The following NFATC2 variants were observed in gnomAD, a reference collection of about 807,000 sequenced individuals.
The protein encoded by NFATC2 is nuclear factor of activated T-cells, cytoplasmic 2.
NFATC2 carries 22 observed loss-of-function variants against 87.3 expected under a neutral mutation model. The ratio of observed to expected loss-of-function variants is 0.25; its 90% CI spans 0.18 to 0.36. The LOEUF is 0.36. NFATC2 is among the 10% of genes least tolerant of loss of function. NFATC2 has a pLI of 1.00. For synonymous variants in NFATC2, 565 were observed against 542.2 expected, an observed-to-expected ratio of 1.04 and a Z score of -0.58; for missense variants, 1,149 against 1,259.1, an observed-to-expected ratio of 0.91 and a Z score of 1.32.
At chr20:51,459,339 C>A (rs942831295) in intron 5 of NFATC2, among the ~76,000 whole-genome samples, 1 of 152,146 alleles carries the variant, frequency 6.6e-6, no homozygotes, top group Non-Finnish European at 1.5e-5. Flanking sequence ...TTATATCAAT[C>A]GGCCAGAACA....
Position 51,562,563 on chromosome 20 carries a change from G to C in NFATC2, c.67C>G (p.Gln23Glu). Residue 23 changes from glutamine (Q) to glutamate (E), a missense_variant, in exon 1 of 11, where the codon CAA (glutamine) becomes GAA (glutamate). Coordinates refer to the NFATC2 transcript ENST00000414705. The surrounding 1 kb of genome is among the most constrained non-coding windows in gnomAD (Gnocchi z 5.8). ...GAAGGGATCGAGAGTCAGTTACCTT[G>C]GTCCACAGACCCCATGATGCGGAGG... The C allele has an allele frequency of 2.6e-6, 4 of 1,550,620 alleles. No homozygotes were observed. The highest frequency in any genetic ancestry group is 2.6e-6 in the Non-Finnish European group (3 of 1,146,210).
chr20:51,412,964 C>T (rs1979472033), intron 9 of NFATC2, among the ~76,000 whole-genome samples: 1 of 70,726 alleles, frequency 1.4e-5, no homozygotes, highest in South Asian at 6.3e-4. Flanking sequence ...CCCGCCCCAC[C>T]GACCCCGGCC....
At chr20:51,554,132 AC>A (rs1308422470) in intron 1 of NFATC2, among the ~76,000 whole-genome samples, 2 of 151,742 alleles carry the variant, frequency 1.3e-5, no homozygotes, top group African/African-American at 4.8e-5. Context: ...TGGAGCACAC[AC>A]CCCCACCGCC....
intron 2 of NFATC2, among the ~76,000 whole-genome samples, 171 bp downstream of exon 2, chr20:51,522,910 C>T (rs911547071): frequency 2.2e-4 from 34 of 152,178 alleles, no homozygotes; most frequent in African/African-American, 7.7e-4. Context: ...AAAAACCTGG[C>T]CCGGGAATTT....
intron 1 of NFATC2, among the ~76,000 whole-genome samples, chr20:51,530,903 G>C (rs1033319325): frequency 3.9e-5 from 6 of 152,192 alleles, no homozygotes; most frequent in African/African-American, 1.4e-4. Flanking sequence ...TCACTCGTCT[G>C]TCTACCCTCT....
chr20:51,474,096 C>T lies in NFATC2; in HGVS notation c.1592G>A (p.Gly531Asp). ...LRNADIELRK[G>D]ETDIGRKNTR... ...GTTCTTTCTTCCAATGTCCGTCTCGCCTTTCCGCAGCTCAATGTCGGCGTT... is the reference window on the plus strand; with the variant it reads ...GTTCTTTCTTCCAATGTCCGTCTCGTCTTTCCGCAGCTCAATGTCGGCGTT... The change falls in exon 5 of 11, where the codon GGC becomes GAC. Residue 531 changes from glycine to aspartate, a missense_variant. By Grantham distance (94) the Gly-to-Asp change is moderately conservative. Coordinates refer to ENST00000371564, the MANE Select transcript of NFATC2 (RefSeq NM_012340.5). 3 of 1,614,226 alleles carry T rather than the reference C, an allele frequency of 1.9e-6. No individual in the cohort carries two copies. The highest frequency in any genetic ancestry group is 2.2e-5 in the East Asian group (1 of 44,886).
At chr20:51,398,402 G>GGA (rs1987540958) in intron 10 of NFATC2, among the ~76,000 whole-genome samples, 1 of 152,180 alleles carries the variant, frequency 6.6e-6, no homozygotes, top group Non-Finnish European at 1.5e-5. Flanking sequence ...CTGGAATCGG[G>GGA]GAGCATGCAA....
At chr20:51,522,961 C>T in intron 2 of NFATC2, 120 bp downstream of exon 2, 1 of 1,396,222 alleles carries the variant, frequency 7.2e-7, no homozygotes, top group Non-Finnish European at 9.7e-7. Flanking sequence ...AGGGGCCAAG[C>T]CAAGATTTAA....
chr20:51,459,362 G>A (rs1390337299), intron 5 of NFATC2, among the ~76,000 whole-genome samples: 1 of 152,208 alleles, frequency 6.6e-6, no homozygotes, highest in Non-Finnish European at 1.5e-5. Context: ...CAAACGCAGA[G>A]AGACGGAGAG....
intron 3 of NFATC2, among the ~76,000 whole-genome samples, chr20:51,492,284 C>T (rs1600861547): frequency 6.6e-6 from 1 of 151,904 alleles, no homozygotes; most frequent in Non-Finnish European, 1.5e-5. Flanking sequence ...CCCCGCCGCA[C>T]CCCGCCGCTA....
chr20:51,529,705 C>T (rs2076602664), intron 1 of NFATC2, among the ~76,000 whole-genome samples: 1 of 151,706 alleles, frequency 6.6e-6, no homozygotes, highest in African/African-American at 2.4e-5. Context: ...CCATGTGCCA[C>T]CAAAAAGTAT....
At position 51,523,132 on chromosome 20, in the gene NFATC2, A is replaced by G. The variant is rs2076476652; in HGVS notation, c.1109T>C (p.Leu370Pro). 6.2e-7 allele frequency: 1 copy of G among 1,614,144 alleles called. No homozygotes were observed. Among genetic ancestry groups the G allele is most frequent in the Non-Finnish European group, 8.5e-7 (1 of 1,180,058 alleles). ...RRNSAPESILLVPPTWPKPLV... is the reference protein window; with the variant it reads ...RRNSAPESILPVPPTWPKPLV... The stretch of plus-strand genomic sequence containing the variant: ...CGGCTTGGGCCAAGTGGGCGGAACC[A>G]GCAGGATGGATTCTGGAGCCGAGTT... Residue 370 changes from leucine (L) to proline (P), a missense_variant, in exon 2 of 11, where the codon CTG becomes CCG. Physicochemically the swap from Leu to Pro is moderately conservative, Grantham distance 98. Coordinates refer to ENST00000371564, the MANE Select transcript of NFATC2 (RefSeq NM_012340.5). The surrounding 1 kb of genome is among the most constrained non-coding windows in gnomAD (Gnocchi z 6.9).
intron 6 of NFATC2, among the ~76,000 whole-genome samples, chr20:51,451,549 TA>T (rs1408213460): frequency 3.3e-5 from 5 of 152,188 alleles, no homozygotes; most frequent in Admixed American, 3.3e-4. Context: ...ATGCTGAGGC[TA>T]AAAATGTGGT....
intron 3 of NFATC2, among the ~76,000 whole-genome samples, chr20:51,483,196 G>A (rs73128874): frequency 0.083 from 12,551 of 151,758 alleles, 618 homozygotes; most frequent in Middle Eastern, 0.18. Flanking sequence ...CAAGTGGCAC[G>A]TCTCTGAAAA....
intron 5 of NFATC2, 94 bp downstream of exon 5, chr20:51,473,885 AC>A (rs1988464832): frequency 7.2e-7 from 1 of 1,379,488 alleles, no homozygotes; most frequent in Admixed American, 2.2e-5. Context: ...CCCGCAGGCC[AC>A]CCCGGGTACC....
At chr20:51,562,656 G>A, upstream of NFATC2, 1 of 1,546,730 alleles carries the variant, frequency 6.5e-7, no homozygotes, top group Admixed American at 2.0e-5. This position sits in a 1 kb window ranked among gnomAD's most constrained non-coding sequence, Gnocchi z 5.8. Context: ...CTTGGCGCGT[G>A]TTTGGAAAGG....
intron 5 of NFATC2, among the ~76,000 whole-genome samples, chr20:51,467,816 A>ATTTATATATTCT (rs1343270817): frequency 6.6e-6 from 1 of 152,214 alleles, no homozygotes; most frequent in East Asian, 1.9e-4. Context: ...TTCCTAGGTC[A>ATTTATATATTCT]TTTACCCAAG....
chr20:51,433,718 T>C (rs1015423501), intron 8 of NFATC2, among the ~76,000 whole-genome samples: 2 of 151,982 alleles, frequency 1.3e-5, no homozygotes. Flanking sequence ...ACCAAGTGTG[T>C]GTGCATGTGT....
Position 51,391,317 on chromosome 20 carries a change from G to T in NFATC2, c.*179C>A. On this transcript the variant is annotated 3_prime_UTR_variant, in exon 11 of 11. Coordinates refer to ENST00000371564, the MANE Select transcript of NFATC2 (RefSeq NM_012340.5). The stretch of plus-strand genomic sequence containing the variant: ...GGACTCCGGGCTGGGAGATGAACAT[G>T]AAAGGAGACAGAAGGTGAGGGGCTG... The T allele has an allele frequency of 6.8e-7, 1 of 1,464,744 alleles. No individual in the cohort carries two copies. The highest frequency in any genetic ancestry group is 9.6e-7 in the Non-Finnish European group (1 of 1,044,592). 90.7% of individuals were successfully genotyped at this position (1,464,744 alleles called of 1,614,324 possible).
Sources: gnomAD v4.1 joint callset for allele counts (sites outside exome capture counted in the v4.1 genomes callset) on GRCh38, gnomAD v4.1.1 for gene constraint, Gnocchi (gnomAD v3.1) non-coding constraint, MANE v1.5 for transcripts, NCBI Gene and HGNC (gene_info 2026-07-23, HGNC 2026-07-21) for gene names.